RMND5A: variants seen among roughly 807,000 people sequenced by gnomAD.
RMND5A encodes required for meiotic nuclear division 5 homolog A, also known as E3 ubiquitin-protein transferase RMND5A.
RMND5A carries 17 observed loss-of-function variants against 49.7 expected under a neutral mutation model. The ratio of observed to expected loss-of-function variants is 0.34; its 90% confidence interval spans 0.23 to 0.51. The LOEUF is 0.51. Ranked by LOEUF, RMND5A falls within the 20% of genes least tolerant of loss-of-function variation. The pLI, the probability that RMND5A is intolerant of heterozygous loss-of-function variation, is 0.96. For missense variants in RMND5A, 255 were observed against 471.3 expected (o/e 0.54, Z 4.25); for synonymous variants, 156 against 167.7 (o/e 0.93, Z 0.54).
intron 2 of RMND5A, among the ~76,000 whole-genome samples, chr2:86,746,602 G>A (rs1001319759): frequency 6.6e-6 from 1 of 152,082 alleles, no homozygotes; most frequent in Non-Finnish European, 1.5e-5. Flanking sequence ...AAGACTTGGA[G>A]GAACCTTTCT....
In RMND5A at chr2:86,776,565, T is replaced by C. The variant is rs1672772834; in HGVS notation, c.*3154T>C. ...TCAGTCTTCTTTATGCTGCGATTGA[T>C]TTCCACCTCAGTGGCTTAGCCTTTG... On this transcript the variant is annotated 3_prime_UTR_variant, in exon 9 of 9. Transcript: ENST00000283632. 1.3e-5 allele frequency: 2 copies of C among 152,230 alleles called. No homozygotes were observed. 9.4% of individuals were successfully genotyped at this position (152,230 alleles called of 1,614,324 possible). A position where few individuals can be genotyped will look rare whatever the true frequency, so the allele number is the denominator to read the frequency against.
intron 5 of RMND5A, chr2:86,765,403 A>G: frequency 4.3e-6 from 2 of 465,860 alleles, no homozygotes; most frequent in South Asian, 6.7e-5. Context: ...TTGGAATTCC[A>G]TATTAAACTT....
chr2:86,742,288 C>T (rs1681459480), intron 2 of RMND5A, among the ~76,000 whole-genome samples: 1 of 151,368 alleles, frequency 6.6e-6, no homozygotes, highest in Non-Finnish European at 1.5e-5. Flanking sequence ...ATGGCAGTCA[C>T]CAGCAAAGTC....
intron 4 of RMND5A, among the ~76,000 whole-genome samples, chr2:86,755,884 G>A (rs957129749): frequency 6.6e-6 from 1 of 152,092 alleles, no homozygotes; most frequent in Admixed American, 6.6e-5. Context: ...AGTTAACTCT[G>A]CTTGAGTGGT....
At chr2:86,720,990 T>G in intron 1 of RMND5A, 181 bp downstream of exon 1, 1 of 508,994 alleles carries the variant, frequency 2.0e-6, no homozygotes, top group South Asian at 2.9e-5. Context: ...ACCTCGAACC[T>G]GCCGCGACCT....
chr2:86,763,987 A>G (rs934978815), intron 4 of RMND5A, among the ~76,000 whole-genome samples: 9 of 152,240 alleles, frequency 5.9e-5, no homozygotes, highest in Non-Finnish European at 1.3e-4. Flanking sequence ...TACATCAGCA[A>G]GTTAATTAGA....
intron 8 of RMND5A, among the ~76,000 whole-genome samples, chr2:86,772,931 A>G (rs1423058683): frequency 6.6e-6 from 1 of 152,134 alleles, no homozygotes; most frequent in African/African-American, 2.4e-5. Context: ...ACTGTGAGGC[A>G]TGTGGGCCGT....
Position 86,728,387 on chromosome 2 carries a change from C to G in RMND5A, c.142+7578C>G, listed in dbSNP as rs553689610. Among the ~76,000 whole-genome samples the G allele has an allele frequency of 1.8e-4, 13 of 72,000 alleles. 5 individuals carry two copies. The South Asian group carries it at 5.2e-3, about 29-fold the overall frequency. 47.2% of individuals were successfully genotyped at this position (72,000 alleles called of 152,430 possible). A position where few individuals can be genotyped will look rare whatever the true frequency, so the allele number is the denominator to read the frequency against. ...AGTGCAGTGGTGTGTGATCTCAGCTCACTGCAACCTCTGCCTCCAGGGTTC... is the reference window on the plus strand; with the variant it reads ...AGTGCAGTGGTGTGTGATCTCAGCTGACTGCAACCTCTGCCTCCAGGGTTC... On this transcript the variant is annotated intron_variant, in intron 1 of 8. Coordinates refer to ENST00000283632, the MANE Select transcript of RMND5A (RefSeq NM_022780.4).
intron 4 of RMND5A, among the ~76,000 whole-genome samples, chr2:86,763,075 T>C (rs1348049128): frequency 6.6e-6 from 1 of 152,106 alleles, no homozygotes; most frequent in South Asian, 2.1e-4. Context: ...AAAATCACAC[T>C]TTCCTCCCAT....
At chr2:86,753,017 G>A (rs1573437751) in intron 3 of RMND5A, among the ~76,000 whole-genome samples, 1 of 152,046 alleles carries the variant, frequency 6.6e-6, no homozygotes, top group Non-Finnish European at 1.5e-5. Context: ...TTTTTTTCTT[G>A]CACAGAAATC....
At chr2:86,767,381 G>A (rs1001087980) in intron 6 of RMND5A, among the ~76,000 whole-genome samples, 6 of 151,504 alleles carry the variant, frequency 4.0e-5, no homozygotes, top group Non-Finnish European at 7.4e-5. Context: ...TTTTTACTTG[G>A]AAGAATCATT....
At chr2:86,753,034 A>G (rs970406034) in intron 3 of RMND5A, among the ~76,000 whole-genome samples, 23 of 152,166 alleles carry the variant, frequency 1.5e-4, no homozygotes, top group African/African-American at 5.3e-4. Flanking sequence ...AATCGGTAGT[A>G]AGACGTCCAC....
At chr2:86,768,798 G>A (rs1300768830) in intron 6 of RMND5A, among the ~76,000 whole-genome samples, 1 of 152,216 alleles carries the variant, frequency 6.6e-6, no homozygotes, top group Non-Finnish European at 1.5e-5. Flanking sequence ...ACCCTGGACA[G>A]GGGTGATCTG....
chr2:86,752,717 A>C (rs912046725), intron 3 of RMND5A, among the ~76,000 whole-genome samples: 3 of 152,224 alleles, frequency 2.0e-5, no homozygotes, highest in African/African-American at 7.2e-5. Flanking sequence ...TCAGTCCCTG[A>C]TTCATATGTC....
chr2:86,728,166 CAT>C (rs1681299743), intron 1 of RMND5A, among the ~76,000 whole-genome samples: 1 of 49,834 alleles, frequency 2.0e-5, no homozygotes, highest in African/African-American at 6.6e-5. Context: ...TTAAAAGAAA[CAT>C]TATTCATGGC....
chr2:86,725,088 A>C (rs2104382531), intron 1 of RMND5A, among the ~76,000 whole-genome samples: 1 of 54,464 alleles, frequency 1.8e-5, no homozygotes, highest in Non-Finnish European at 3.5e-5. Flanking sequence ...TTTTTGTAAG[A>C]GTAAAGGACA....
chr2:86,720,970 C>T (rs376068346), intron 1 of RMND5A, 161 bp downstream of exon 1: 3 of 579,184 alleles, frequency 5.2e-6, no homozygotes, highest in Admixed American at 3.9e-5. Flanking sequence ...TTCCCCTCTT[C>T]GTCCGATTTA....
At chr2:86,720,930 G>T (rs1681198521) in intron 1 of RMND5A, 121 bp downstream of exon 1, 1 of 894,436 alleles carries the variant, frequency 1.1e-6, no homozygotes, top group Non-Finnish European at 1.6e-6. Flanking sequence ...CTCCCCTGAG[G>T]CGCGGAGGCC....
intron 8 of RMND5A, 32 bp from the exon 9 acceptor site, chr2:86,773,316 C>T (rs780378796): frequency 7.3e-7 from 1 of 1,362,076 alleles, no homozygotes; most frequent in Non-Finnish European, 1.1e-6. Context: ...TGAGCCTGCT[C>T]CTTCACTCAG....
Sources: allele counts gnomAD v4.1 joint callset (sites outside exome capture counted in the v4.1 genomes callset), GRCh38; gene constraint gnomAD v4.1.1; transcripts MANE v1.5; gene names NCBI Gene and HGNC (gene_info 2026-07-23, HGNC 2026-07-21).